The following NEGR1 variants were observed in gnomAD, a reference collection of about 807,000 sequenced individuals.
NEGR1 encodes the protein IgLON family member 4.
Under a neutral mutation model 40.9 loss-of-function variants are expected in NEGR1, and 10 were observed. That is an observed-to-expected ratio of 0.24 (90% CI 0.15 to 0.42). The LOEUF is 0.42. Ranked by LOEUF, NEGR1 falls within the 10% of genes least tolerant of loss-of-function variation. The pLI, the probability that NEGR1 is intolerant of heterozygous loss-of-function variation, is 1.00. For missense variants in NEGR1, 352 were observed against 438.9 expected, an observed-to-expected ratio of 0.80 and a Z score of 1.77; for synonymous variants, 185 against 166.8, an observed-to-expected ratio of 1.11 and a Z score of -0.84.
intron 1 of NEGR1, among the ~76,000 whole-genome samples, chr1:72,146,694 T>C (rs1557549852): frequency 1.3e-5 from 2 of 152,208 alleles, no homozygotes; most frequent in South Asian, 4.1e-4. Context: ...TATGCAAATA[T>C]ACAAAAATCT....
chr1:72,105,544 G>GTAAATAAA (rs57077521), intron 1 of NEGR1, among the ~76,000 whole-genome samples: 2,364 of 151,130 alleles, frequency 0.016, 69 homozygotes, highest in African/African-American at 0.055. Flanking sequence ...TCTCTCCACA[G>GTAAATAAA]TAAATAAATA....
In NEGR1 at chr1:71,618,216, C is replaced by T. The variant is rs1334936809; in HGVS notation, c.668-7070G>A. 2.0e-5 allele frequency among the ~76,000 whole-genome samples: 3 copies of T among 152,292 alleles called. No individual in the cohort carries two copies. In the East Asian group the frequency reaches 5.8e-4, roughly 29 times the overall value. ...TTTCGAAAGACTTTGAGCATTACTT[C>T]CTAATCACAAAAGACACCCGAACTA... On this transcript the variant is annotated intron_variant, in intron 4 of 6. Transcript: ENST00000357731.
chr1:72,083,608 A>G (rs1280772936), intron 1 of NEGR1, among the ~76,000 whole-genome samples: 3 of 152,232 alleles, frequency 2.0e-5, no homozygotes, highest in African/African-American at 7.2e-5. Flanking sequence ...AAAGAAAAAT[A>G]TTGTCCCATT....
At chr1:71,726,188 C>G (rs1654669514) in intron 3 of NEGR1, among the ~76,000 whole-genome samples, 1 of 151,996 alleles carries the variant, frequency 6.6e-6, no homozygotes, top group Non-Finnish European at 1.5e-5. Context: ...CTGTGAAACC[C>G]AGACTCTAAG....
intron 1 of NEGR1, among the ~76,000 whole-genome samples, chr1:72,160,588 T>C (rs1184700667): frequency 1.3e-5 from 2 of 152,150 alleles, no homozygotes; most frequent in African/African-American, 2.4e-5. Context: ...TTTGGAACTT[T>C]ATAATAATTC....
chr1:71,848,124 G>A (rs762120270), intron 2 of NEGR1, among the ~76,000 whole-genome samples: 5 of 152,096 alleles, frequency 3.3e-5, no homozygotes, highest in Non-Finnish European at 7.4e-5. Context: ...AGAAAGGTGA[G>A]GAAGCTACAG....
At chr1:72,232,838 A>T (rs1397528234) in intron 1 of NEGR1, among the ~76,000 whole-genome samples, 2 of 152,156 alleles carry the variant, frequency 1.3e-5, no homozygotes, top group African/African-American at 4.8e-5. Flanking sequence ...TTAATTATGT[A>T]ACCTCCTCAG....
chr1:72,205,737 TG>T (rs1653371027), intron 1 of NEGR1, among the ~76,000 whole-genome samples: 2 of 86,356 alleles, frequency 2.3e-5, no homozygotes. Flanking sequence ...CCCGGGCAAA[TG>T]GCAAAACCCC....
At chr1:72,035,079 G>A (rs1031977121) in intron 1 of NEGR1, among the ~76,000 whole-genome samples, 5 of 152,194 alleles carry the variant, frequency 3.3e-5, no homozygotes, top group African/African-American at 9.6e-5. Context: ...ACTAGGGTGG[G>A]AGGGCCAGTC....
chr1:72,051,247 A>T (rs1441352794), intron 1 of NEGR1, among the ~76,000 whole-genome samples: 1 of 151,554 alleles, frequency 6.6e-6, no homozygotes, highest in East Asian at 1.9e-4. Context: ...ACATTTGTTC[A>T]TTACTAAAAT....
intron 4 of NEGR1, among the ~76,000 whole-genome samples, chr1:71,618,059 C>T (rs992206788): frequency 5.9e-5 from 9 of 152,092 alleles, no homozygotes; most frequent in African/African-American, 2.2e-4. Context: ...GCATTCAAAG[C>T]CAAACTGGAA....
At chr1:71,495,264 A>G (rs1646953927) in intron 6 of NEGR1, among the ~76,000 whole-genome samples, 1 of 152,004 alleles carries the variant, frequency 6.6e-6, no homozygotes, top group Non-Finnish European at 1.5e-5. Context: ...GGATCACTTG[A>G]GGTCAGGAGT....
rs549467339 is a variant in NEGR1, at chr1:71,754,604, T to C, written c.535+21568A>G. 1.2e-4 allele frequency among the ~76,000 whole-genome samples: 19 copies of C among 152,142 alleles called. 1 individual carries two copies. In the East Asian group the frequency reaches 3.7e-3, roughly 30 times the overall value. ...CAGCAGTCCAGCAAATATCCCACTT[T>C]TCTTCTCTACCTCACCACAAAACTC... On this transcript the variant is annotated intron_variant, in intron 3 of 6. Coordinates refer to ENST00000357731, the MANE Select transcript of NEGR1 (RefSeq NM_173808.3).
At chr1:71,564,355 T>C (rs938476108) in intron 6 of NEGR1, among the ~76,000 whole-genome samples, 1 of 152,142 alleles carries the variant, frequency 6.6e-6, no homozygotes, top group Non-Finnish European at 1.5e-5. Flanking sequence ...GGAAAAATCA[T>C]ACATATGTTA....
At chr1:71,648,077 T>C (rs1054559719) in intron 4 of NEGR1, among the ~76,000 whole-genome samples, 1 of 151,922 alleles carries the variant, frequency 6.6e-6, no homozygotes, top group African/African-American at 2.4e-5. Flanking sequence ...GCCTGAAAAA[T>C]ATGCAGCCAA....
chr1:72,272,717 G>A (rs1456610082), intron 1 of NEGR1, among the ~76,000 whole-genome samples: 2 of 151,926 alleles, frequency 1.3e-5, no homozygotes, highest in African/African-American at 2.4e-5. Context: ...TTAAACATAC[G>A]CTAATACACA....
At chr1:72,011,926 G>A (rs1646660634) in intron 1 of NEGR1, among the ~76,000 whole-genome samples, 1 of 152,058 alleles carries the variant, frequency 6.6e-6, no homozygotes, top group South Asian at 2.1e-4. Flanking sequence ...AGCTTTGAAG[G>A]TGGAGATGGA....
chr1:72,236,931 A>G (rs550230226), intron 1 of NEGR1, among the ~76,000 whole-genome samples: 1 of 152,104 alleles, frequency 6.6e-6, no homozygotes, highest in East Asian at 1.9e-4. Flanking sequence ...TCCATTTTGT[A>G]TTATTGAGGA....
intron 2 of NEGR1, among the ~76,000 whole-genome samples, chr1:71,817,332 C>T (rs1011103972): frequency 2.6e-5 from 4 of 152,072 alleles, no homozygotes; most frequent in African/African-American, 4.8e-5. Flanking sequence ...CCTGCCAGTT[C>T]GCTGACATGG....
Sources: gnomAD v4.1 joint callset for allele counts (sites outside exome capture counted in the v4.1 genomes callset) on GRCh38, gnomAD v4.1.1 for gene constraint, MANE v1.5 for transcripts, NCBI Gene and HGNC (gene_info 2026-07-23, HGNC 2026-07-21) for gene names.